ACSS3: variants seen among roughly 807,000 people sequenced by gnomAD.
ACSS3 encodes the protein acyl-CoA synthetase short chain family member 3.
In ACSS3, 64 loss-of-function variants were observed where a neutral mutation model predicts 84.2. The ratio of observed to expected loss-of-function variants is 0.76; its 90% CI spans 0.62 to 0.94. ACSS3 has a LOEUF of 0.94. ACSS3 is among the 40% of genes least tolerant of loss of function. The pLI is 0.00. For missense variants in ACSS3, 815 were observed against 867.6 expected (o/e 0.94, Z 0.76); for synonymous variants, 317 against 310.1 (o/e 1.02, Z -0.23).
Position 81,259,333 on chromosome 12 carries a change from T to C in ACSS3, c.*4411T>C, listed in dbSNP as rs2034610903. The C allele has an allele frequency of 2.0e-6, 1 of 495,088 alleles. No homozygotes were observed. The allele number at this position is 495,088 out of a possible 1,614,324, so 30.7% of individuals were successfully genotyped here. A position where few individuals can be genotyped will look rare whatever the true frequency, so the allele number is the denominator to read the frequency against. ...TATCCATTTACATAAGACTTACACA[T>C]TTAAAAAGAAATGCACGGTAATACA... On this transcript the variant is annotated 3_prime_UTR_variant, in exon 16 of 16. Transcript: ENST00000548058.
chr12:81,136,730 G>T (rs890429172), intron 3 of ACSS3, among the ~76,000 whole-genome samples: 1 of 152,132 alleles, frequency 6.6e-6, no homozygotes, highest in South Asian at 2.1e-4. Flanking sequence ...GTCTGAACTG[G>T]ATTCTGTTAA....
At chr12:81,117,565 T>C (rs1451870888) in intron 2 of ACSS3, among the ~76,000 whole-genome samples, 1 of 152,088 alleles carries the variant, frequency 6.6e-6, no homozygotes, top group Admixed American at 6.6e-5. Context: ...CCATGAGGAC[T>C]CAGAGCTCAT....
intron 7 of ACSS3, among the ~76,000 whole-genome samples, chr12:81,165,701 C>T (rs1593149929): frequency 6.6e-6 from 1 of 151,866 alleles, no homozygotes; most frequent in East Asian, 1.9e-4. Context: ...AATCAAGACA[C>T]ACCTAACAAA....
chr12:81,126,741 A>G (rs1451783996), intron 2 of ACSS3, among the ~76,000 whole-genome samples: 1 of 152,178 alleles, frequency 6.6e-6, no homozygotes, highest in Non-Finnish European at 1.5e-5. Context: ...AACTAAAGGG[A>G]TTAAATAATT....
chr12:81,107,069 G>T (rs566870310), intron 1 of ACSS3, among the ~76,000 whole-genome samples: 20 of 151,984 alleles, frequency 1.3e-4, no homozygotes, highest in Non-Finnish European at 2.5e-4. Flanking sequence ...GAGATGTCCT[G>T]CAGACTTTTG....
chr12:81,227,098 C>T (rs539974616), intron 11 of ACSS3, among the ~76,000 whole-genome samples: 1 of 151,704 alleles, frequency 6.6e-6, no homozygotes, highest in Admixed American at 6.6e-5. Context: ...GCAGGACAGG[C>T]CAGCAGGCTG....
At chr12:81,088,476 C>A (rs930085517) in intron 1 of ACSS3, among the ~76,000 whole-genome samples, 2 of 152,006 alleles carry the variant, frequency 1.3e-5, no homozygotes, top group Non-Finnish European at 2.9e-5. Context: ...ATCATAAAAA[C>A]AGCTGTTATG....
At chr12:81,162,779 G>A (rs1243791712) in intron 7 of ACSS3, among the ~76,000 whole-genome samples, 1 of 152,134 alleles carries the variant, frequency 6.6e-6, no homozygotes, top group African/African-American at 2.4e-5. Flanking sequence ...CCCCTCCTGT[G>A]CTCGTTGACA....
chr12:81,095,148 T>C (rs1294955882), intron 1 of ACSS3, among the ~76,000 whole-genome samples: 1 of 152,198 alleles, frequency 6.6e-6, no homozygotes, highest in Non-Finnish European at 1.5e-5. Flanking sequence ...GGGGGCATTC[T>C]GGATTGTAGG....
chr12:81,210,004 T>C (rs2032525959), intron 9 of ACSS3, among the ~76,000 whole-genome samples: 1 of 152,200 alleles, frequency 6.6e-6, no homozygotes, highest in African/African-American at 2.4e-5. Flanking sequence ...CCAGCTGCTT[T>C]ACCTCTTGCT....
At chr12:81,182,559 G>A (rs2031006193) in intron 8 of ACSS3, among the ~76,000 whole-genome samples, 1 of 152,092 alleles carries the variant, frequency 6.6e-6, no homozygotes, top group South Asian at 2.1e-4. Flanking sequence ...TTGGTTAGAA[G>A]CACACAATGT....
chr12:81,227,231 G>A (rs10862268), intron 11 of ACSS3, among the ~76,000 whole-genome samples: 2,720 of 151,766 alleles, frequency 0.018, 81 homozygotes, highest in African/African-American at 0.063. Context: ...ACATTATGGA[G>A]GATAATCTGA....
chr12:81,138,658 G>A (rs1303214447), intron 3 of ACSS3, among the ~76,000 whole-genome samples: 1 of 152,096 alleles, frequency 6.6e-6, no homozygotes, highest in African/African-American at 2.4e-5. Context: ...TATTTAGAAT[G>A]AGAAAAAATT....
At chr12:81,088,015 G>A (rs952306899) in intron 1 of ACSS3, among the ~76,000 whole-genome samples, 2 of 152,032 alleles carry the variant, frequency 1.3e-5, no homozygotes, top group East Asian at 1.9e-4. Context: ...TTCTTTTCTC[G>A]TCTGTTCTCT....
At chr12:81,098,674 C>T (rs1882264845) in intron 1 of ACSS3, among the ~76,000 whole-genome samples, 1 of 152,148 alleles carries the variant, frequency 6.6e-6, no homozygotes, top group Non-Finnish European at 1.5e-5. Context: ...AAAAGAAAGT[C>T]TTAAACATGT....
At chr12:81,206,507 G>T (rs1259545370) in intron 9 of ACSS3, among the ~76,000 whole-genome samples, 4 of 152,070 alleles carry the variant, frequency 2.6e-5, no homozygotes, top group South Asian at 4.1e-4. Flanking sequence ...TCATAGAAAA[G>T]ATATTTTTTG....
chr12:81,106,312 A>C (rs959666731), intron 1 of ACSS3, among the ~76,000 whole-genome samples: 2 of 152,216 alleles, frequency 1.3e-5, no homozygotes, highest in Non-Finnish European at 2.9e-5. Flanking sequence ...TCTAGGTTGC[A>C]TTCTCCTTAT....
At chr12:81,244,304 G>C (rs1439709444) in intron 13 of ACSS3, among the ~76,000 whole-genome samples, 3 of 151,448 alleles carry the variant, frequency 2.0e-5, no homozygotes, top group Non-Finnish European at 4.4e-5. Context: ...CTTTATCTTA[G>C]ATTGTTTGAA....
intron 9 of ACSS3, chr12:81,199,678 C>A: frequency 6.9e-7 from 1 of 1,441,578 alleles, no homozygotes; most frequent in Non-Finnish European, 9.2e-7. Context: ...CACTAAAGAC[C>A]TCTTTATCTT....
Sources: allele counts gnomAD v4.1 joint callset (sites outside exome capture counted in the v4.1 genomes callset), GRCh38; gene constraint gnomAD v4.1.1; transcripts MANE v1.5; gene names NCBI Gene and HGNC (gene_info 2026-07-23, HGNC 2026-07-21).